EFCAB8: variants seen among roughly 807,000 people sequenced by gnomAD.
The protein encoded by EFCAB8 is EF-hand calcium-binding domain-containing protein 8.
EFCAB8 carries 100 observed loss-of-function variants against 116.3 expected under a neutral mutation model. The observed-to-expected ratio is 0.86, with a 90% confidence interval of 0.73 to 1.02. EFCAB8 has a LOEUF of 1.02. EFCAB8 is among the 50% of genes least tolerant of loss of function. The pLI, the probability that EFCAB8 is intolerant of heterozygous loss-of-function variation, is 0.00. For synonymous variants in EFCAB8, 558 were observed against 567.9 expected, an observed-to-expected ratio of 0.98 and a Z score of 0.25; for missense variants, 1,320 against 1,416.9, an observed-to-expected ratio of 0.93 and a Z score of 1.10.
intron 10 of EFCAB8, among the ~76,000 whole-genome samples, chr20:32,896,890 G>A (rs542219790): frequency 2.2e-4 from 34 of 152,314 alleles, no homozygotes; most frequent in Admixed American, 5.9e-4. Context: ...CACCCCGGTA[G>A]CTTCTCATCA....
intron 23 of EFCAB8, among the ~76,000 whole-genome samples, chr20:32,954,679 A>G (rs924685629): frequency 1.2e-4 from 19 of 152,190 alleles, no homozygotes; most frequent in Admixed American, 3.3e-4. Flanking sequence ...TCCATCTTCA[A>G]TTAATTGTTG....
At chr20:32,878,375 A>T (rs1985100778) in intron 4 of EFCAB8, among the ~76,000 whole-genome samples, 1 of 152,080 alleles carries the variant, frequency 6.6e-6, no homozygotes, top group African/African-American at 2.4e-5. Context: ...CCTGAGTGAC[A>T]AACAGAGAAA....
intron 4 of EFCAB8, among the ~76,000 whole-genome samples, chr20:32,876,855 C>T (rs1985001831): frequency 6.6e-6 from 1 of 152,114 alleles, no homozygotes; most frequent in Admixed American, 6.6e-5. Flanking sequence ...ATAGTCCCAG[C>T]TATTTGTGGA....
At chr20:32,940,516 G>T (rs1461417148) in intron 22 of EFCAB8, among the ~76,000 whole-genome samples, 5 of 149,540 alleles carry the variant, frequency 3.3e-5, no homozygotes, top group Non-Finnish European at 7.4e-5. Flanking sequence ...TGTGACCTTA[G>T]ACAGTGTGTC....
intron 20 of EFCAB8, among the ~76,000 whole-genome samples, chr20:32,926,520 T>TTTTTTA: frequency 6.7e-6 from 1 of 149,314 alleles, no homozygotes; most frequent in South Asian, 2.1e-4. Context: ...TCTTTTTTTT[T>TTTTTTA]TTATTATACT....
At chr20:32,868,331 G>A (rs1984525874) in intron 3 of EFCAB8, among the ~76,000 whole-genome samples, 1 of 152,168 alleles carries the variant, frequency 6.6e-6, no homozygotes, top group Non-Finnish European at 1.5e-5. Flanking sequence ...CCAAAGTGCT[G>A]GGATTACAGG....
intron 22 of EFCAB8, among the ~76,000 whole-genome samples, chr20:32,933,745 G>T (rs1372508626): frequency 6.6e-6 from 1 of 152,140 alleles, no homozygotes; most frequent in Non-Finnish European, 1.5e-5. Flanking sequence ...TTGGGAGGCC[G>T]AGGCGGGCAG....
In EFCAB8 at chr20:32,896,520, G is replaced by C. The variant is rs371521530; in HGVS notation, c.950G>C (p.Arg317Pro). 2 of 718,874 alleles carry C rather than the reference G, an allele frequency of 2.8e-6. No homozygotes were observed. Among genetic ancestry groups the C allele is most frequent in the East Asian group, 2.7e-5 (1 of 37,300 alleles). 44.5% of individuals were successfully genotyped at this position (718,874 alleles called of 1,614,324 possible). A position where few individuals can be genotyped will look rare whatever the true frequency, so the allele number is the denominator to read the frequency against. Residue 317 changes from arginine (R) to proline (P), a missense_variant, in exon 10 of 27, where the codon CGG (arginine) becomes CCG (proline). By Grantham distance (103) the Arg-to-Pro change is moderately radical. Transcript: ENST00000400522. ...NEKSALHRSY[R>P]LKALHPNWCE... ...AAGTCTGCTTTGCATAGAAGCTACCGGCTGAAGGTGAGTTTTTTCTTTCCT... is the reference window on the plus strand; with the variant it reads ...AAGTCTGCTTTGCATAGAAGCTACCCGCTGAAGGTGAGTTTTTTCTTTCCT...
chr20:32,924,717 A>T (rs1274819383), intron 20 of EFCAB8, among the ~76,000 whole-genome samples: 1 of 152,150 alleles, frequency 6.6e-6, no homozygotes, highest in East Asian at 1.9e-4. Context: ...TGTGTGTAAT[A>T]AGGATTTGTA....
At position 32,909,932 on chromosome 20, in the gene EFCAB8, G is replaced by C; in HGVS notation, c.1557+1G>C. The C allele has an allele frequency of 8.0e-7, 1 of 1,247,938 alleles. No homozygotes were observed. The highest frequency in any genetic ancestry group is 4.1e-5 in the South Asian group (1 of 24,346). The allele number at this position is 1,247,938 out of a possible 1,614,324, so 77.3% of individuals were successfully genotyped here. On this transcript the variant is annotated splice_donor_variant, in intron 15 of 26. Coordinates refer to ENST00000400522, the MANE Select transcript of EFCAB8 (RefSeq NM_001143967.2). LOFTEE classifies it high-confidence loss of function. ...CCTCTACAGCAAGATCTTTAAGCAGGTGAGTGGCCCAGGGCTCGCCTCTGA... is the reference window on the plus strand; with the variant it reads ...CCTCTACAGCAAGATCTTTAAGCAGCTGAGTGGCCCAGGGCTCGCCTCTGA...
At chr20:32,884,770 G>A (rs1221449510) in intron 5 of EFCAB8, among the ~76,000 whole-genome samples, 1 of 152,160 alleles carries the variant, frequency 6.6e-6, no homozygotes, top group Non-Finnish European at 1.5e-5. Context: ...GCTCTGCCAG[G>A]GCTCAAAGAT....
intron 13 of EFCAB8, among the ~76,000 whole-genome samples, chr20:32,907,697 C>G (rs1986741606): frequency 6.6e-6 from 1 of 152,222 alleles, no homozygotes; most frequent in Non-Finnish European, 1.5e-5. Flanking sequence ...GAGCTGGGAT[C>G]ATCGCCTCTG....
At chr20:32,953,936 G>T (rs534513568) in intron 23 of EFCAB8, among the ~76,000 whole-genome samples, 3 of 152,010 alleles carry the variant, frequency 2.0e-5, no homozygotes, top group African/African-American at 7.2e-5. Flanking sequence ...TCAGCCTCCC[G>T]AGTAGCTGGG....
chr20:32,920,861 TAGG>T (rs1165476972), intron 20 of EFCAB8, among the ~76,000 whole-genome samples: 1 of 151,924 alleles, frequency 6.6e-6, no homozygotes, highest in Non-Finnish European at 1.5e-5. Context: ...GGTAGGGAGG[TAGG>T]AGAAGGGGCA....
At chr20:32,940,740 T>C (rs1038832467) in intron 22 of EFCAB8, among the ~76,000 whole-genome samples, 1 of 149,818 alleles carries the variant, frequency 6.7e-6, no homozygotes, top group Admixed American at 6.6e-5. Context: ...AATAACCAAA[T>C]TAAGATACGG....
Position 32,863,805 on chromosome 20 carries a change from G to A in EFCAB8, c.13G>A (p.Asp5Asn). The change falls in exon 2 of 27, where the codon GAC becomes AAC. Residue 5 changes from aspartate (D) to asparagine (N), a missense_variant. Coordinates refer to ENST00000400522, the MANE Select transcript of EFCAB8 (RefSeq NM_001143967.2). MSSE[D>N]LAEIPQLQKL... The stretch of plus-strand genomic sequence containing the variant: ...TAGGTCAAGGCTAATGTCTTCTGAA[G>A]ACTTAGCAGAGATCCCTCAACTCCA... 2 of 1,551,332 alleles carry A rather than the reference G, an allele frequency of 1.3e-6. No homozygotes were observed. The highest frequency in any genetic ancestry group is 1.7e-6 in the Non-Finnish European group (2 of 1,146,832).
intron 3 of EFCAB8, among the ~76,000 whole-genome samples, chr20:32,872,426 G>A (rs1396492018): frequency 6.6e-6 from 1 of 152,146 alleles, no homozygotes; most frequent in Non-Finnish European, 1.5e-5. Flanking sequence ...CCAGCCCTGG[G>A]GCAACAGGCT....
At chr20:32,957,850 C>T (rs1301447427) in intron 23 of EFCAB8, among the ~76,000 whole-genome samples, 4 of 151,758 alleles carry the variant, frequency 2.6e-5, no homozygotes, top group African/African-American at 9.7e-5. Flanking sequence ...CATCTTAGTT[C>T]ACCTGGCCCT....
chr20:32,880,477 G>T (rs910474369), intron 5 of EFCAB8, among the ~76,000 whole-genome samples: 3 of 152,012 alleles, frequency 2.0e-5, no homozygotes, highest in Non-Finnish European at 1.5e-5. Flanking sequence ...CACTGTGTTG[G>T]CTGGGCTGTT....
Sources: gnomAD v4.1 joint callset for allele counts (sites outside exome capture counted in the v4.1 genomes callset) on GRCh38, gnomAD v4.1.1 for gene constraint, MANE v1.5 for transcripts, NCBI Gene and HGNC (gene_info 2026-07-23, HGNC 2026-07-21) for gene names.